Variants in PVT1 observed in about 807,000 individuals in gnomAD.
PVT1 encodes the protein Pvt1 oncogene.
intron 1 of PVT1, among the ~76,000 whole-genome samples, chr8:127,794,896 G>A (rs1230529887): frequency 6.6e-6 from 1 of 151,894 alleles, no homozygotes; most frequent in Non-Finnish European, 1.5e-5. Flanking sequence ...GACTGGTGGC[G>A]AGTTTGGGCG....
chr8:128,059,271 A>T (rs1813801633), intron 4 of PVT1, among the ~76,000 whole-genome samples: 1 of 152,096 alleles, frequency 6.6e-6, no homozygotes, highest in Non-Finnish European at 1.5e-5. Flanking sequence ...ACGCAGCTCA[A>T]CACAGGTGAA....
At chr8:127,878,909 A>G (rs1815434048) in intron 2 of PVT1, among the ~76,000 whole-genome samples, 1 of 152,160 alleles carries the variant, frequency 6.6e-6, no homozygotes, top group African/African-American at 2.4e-5. Context: ...CCACTCCCTG[A>G]GCCTAGGGGG....
chr8:127,830,402 G>A (rs1410198938), intron 2 of PVT1, among the ~76,000 whole-genome samples: 1 of 151,892 alleles, frequency 6.6e-6, no homozygotes, highest in East Asian at 1.9e-4. Flanking sequence ...TGCTATGTGG[G>A]GGTGTGGGAG....
intron 3 of PVT1, among the ~76,000 whole-genome samples, chr8:127,958,439 C>G (rs1346864336): frequency 2.0e-5 from 3 of 152,118 alleles, no homozygotes; most frequent in Non-Finnish European, 2.9e-5. Flanking sequence ...GGGGTTTCAC[C>G]GTGTTGCCCA....
intron 4 of PVT1, chr8:127,998,346 G>A (rs545058471): frequency 1.3e-5 from 2 of 152,184 alleles, no homozygotes; most frequent in Middle Eastern, 6.8e-3. Context: ...TTATATATCA[G>A]CATGGACTTG....
chr8:127,866,167 C>T (rs1805474659), intron 2 of PVT1, among the ~76,000 whole-genome samples: 1 of 152,298 alleles, frequency 6.6e-6, no homozygotes, highest in East Asian at 1.9e-4. Flanking sequence ...TACCAGTACC[C>T]TTAGGCCCCA....
intron 3 of PVT1, among the ~76,000 whole-genome samples, chr8:127,904,211 C>T (rs80160623): frequency 0.01 from 1,587 of 152,254 alleles, 32 homozygotes; most frequent in African/African-American, 0.037. Context: ...CCTTAAGGAG[C>T]TTACAACTTG....
rs79735415 is a variant in PVT1, at chr8:127,881,435, A to ATATTATTAT, written n.373-9131_373-9123dup. Among the ~76,000 whole-genome samples the ATATTATTAT allele has an allele frequency of 2.6e-3, 265 of 100,840 alleles. 1 individual carries two copies. Among genetic ancestry groups the ATATTATTAT allele is most frequent in the African/African-American group, 0.011 (187 of 17,432 alleles). 66.2% of individuals were successfully genotyped at this position (100,840 alleles called of 152,430 possible). ...TATTATTATTAATATTATTGTTATTATATTATTATTATTATTATTATTATT... is the reference window on the plus strand; with the variant it reads ...TATTATTATTAATATTATTGTTATTATATTATTATTATTATTATTATTATTATTATTATT... On this transcript the variant is annotated intron_variant and non_coding_transcript_variant, in intron 2 of 10. Coordinates refer to ENST00000651587, the Ensembl canonical transcript of PVT1.
chr8:128,067,722 G>T (rs1417073915), intron 4 of PVT1, among the ~76,000 whole-genome samples: 1 of 152,062 alleles, frequency 6.6e-6, no homozygotes, highest in Non-Finnish European at 1.5e-5. Context: ...AGTTAGGGGT[G>T]AGCTGGAGCA....
At chr8:128,047,044 A>G (rs914583669) in intron 4 of PVT1, among the ~76,000 whole-genome samples, 2 of 152,202 alleles carry the variant, frequency 1.3e-5, no homozygotes, top group Admixed American at 6.5e-5. Context: ...CCATGGAGTC[A>G]TACTCTCTTT....
chr8:127,854,892 G>A (rs1415046571), intron 2 of PVT1: 1 of 345,434 alleles, frequency 2.9e-6, no homozygotes, highest in Non-Finnish European at 5.2e-6. Flanking sequence ...AGCATGCTCA[G>A]TGTGCACTGA....
intron 4 of PVT1, among the ~76,000 whole-genome samples, chr8:128,041,413 GTTTGTGCTCGTGTGTTTGTGTGCA>G: frequency 6.7e-6 from 1 of 150,370 alleles, no homozygotes; most frequent in South Asian, 2.1e-4. Flanking sequence ...GTGCATGTGT[GTTTGTGCTCGTGTGTTTGTGTGCA>G]TGTGTATGTG....
At chr8:127,844,965 G>A (rs963142252) in intron 2 of PVT1, among the ~76,000 whole-genome samples, 9 of 152,022 alleles carry the variant, frequency 5.9e-5, no homozygotes, top group Non-Finnish European at 1.3e-4. Flanking sequence ...CACCTGCCTC[G>A]GCCTCCCAAA....
At chr8:128,088,969 C>G (rs977342633) in intron 5 of PVT1, among the ~76,000 whole-genome samples, 4 of 152,178 alleles carry the variant, frequency 2.6e-5, no homozygotes, top group Admixed American at 2.0e-4. Flanking sequence ...GAGGCAGGTG[C>G]TGTGCCAACT....
intron 5 of PVT1, among the ~76,000 whole-genome samples, chr8:128,073,717 C>T (rs1185484770): frequency 5.9e-5 from 9 of 152,126 alleles, no homozygotes; most frequent in African/African-American, 1.9e-4. Flanking sequence ...GTTGCAGATA[C>T]TGTCTAGAAT....
intron 4 of PVT1, among the ~76,000 whole-genome samples, chr8:127,992,859 C>T (rs1420991691): frequency 6.6e-6 from 1 of 152,214 alleles, no homozygotes; most frequent in African/African-American, 2.4e-5. Context: ...TGCTGGCCTC[C>T]TGGCCTTTGG....
intron 2 of PVT1, among the ~76,000 whole-genome samples, chr8:127,799,115 G>A (rs1814433601): frequency 6.6e-6 from 1 of 150,676 alleles, no homozygotes; most frequent in Admixed American, 6.6e-5. Context: ...TCCTTTTTGT[G>A]TGTGTGTGGA....
rs200684694 is a variant in PVT1 at position 127,826,471 on chromosome 8, C to T, written n.372+30400C>T. Among the ~76,000 whole-genome samples, 26 of 152,160 alleles carry T rather than the reference C, an allele frequency of 1.7e-4. No homozygotes were observed. In the East Asian group the frequency reaches 4.6e-3, roughly 27 times the overall value. On this transcript the variant is annotated intron_variant and non_coding_transcript_variant, in intron 2 of 10. Coordinates refer to ENST00000651587, the Ensembl canonical transcript of PVT1. ...GTTGTATATGGCTGGCTAGATTCAT[C>T]GTTTGGAATCTTCAGAGTCAGAAGG...
chr8:127,801,399 G>T (rs1169530586), intron 2 of PVT1, among the ~76,000 whole-genome samples: 1 of 151,754 alleles, frequency 6.6e-6, no homozygotes, highest in African/African-American at 2.4e-5. Flanking sequence ...GTGCCACCAC[G>T]CCTGGCTAAT....
Sources: gnomAD v4.1 joint callset for allele counts (sites outside exome capture counted in the v4.1 genomes callset) on GRCh38, gnomAD v4.1.1 for gene constraint, MANE v1.5 for transcripts, NCBI Gene and HGNC (gene_info 2026-07-23, HGNC 2026-07-21) for gene names.